The following ATP8A2 variants were observed in gnomAD, a reference collection of about 807,000 sequenced individuals.
The protein encoded by ATP8A2 is phospholipid-transporting ATPase IB.
Under a neutral mutation model 165.6 loss-of-function variants are expected in ATP8A2, and 100 were observed. The ratio of observed to expected loss-of-function variants is 0.60; its 90% CI spans 0.51 to 0.71. ATP8A2 has a LOEUF of 0.71. ATP8A2 is among the 30% of genes least tolerant of loss of function. ATP8A2 has a pLI of 0.00. For missense variants in ATP8A2, 1,227 were observed against 1,479.5 expected, an observed-to-expected ratio of 0.83 and a Z score of 2.80; for synonymous variants, 543 against 548.8, an observed-to-expected ratio of 0.99 and a Z score of 0.15.
intron 2 of ATP8A2, among the ~76,000 whole-genome samples, chr13:25,473,434 C>T (rs1471361553): frequency 6.6e-6 from 1 of 152,112 alleles, no homozygotes; most frequent in African/African-American, 2.4e-5. Context: ...TAATGGGATT[C>T]AATGTTTATA....
chr13:25,668,692 T>C (rs1182474258), intron 24 of ATP8A2, among the ~76,000 whole-genome samples: 6 of 152,178 alleles, frequency 3.9e-5, no homozygotes, highest in Admixed American at 1.3e-4. Flanking sequence ...ATACCACAGG[T>C]CTCTAAGGCT....
At chr13:25,841,135 G>A (rs1951740317) in intron 30 of ATP8A2, among the ~76,000 whole-genome samples, 2 of 152,166 alleles carry the variant, frequency 1.3e-5, no homozygotes, top group Non-Finnish European at 1.5e-5. Context: ...GTGCCTTGTG[G>A]TTTGTGGTGA....
At chr13:25,739,449 A>G (rs1003398309) in intron 25 of ATP8A2, among the ~76,000 whole-genome samples, 55 of 152,346 alleles carry the variant, frequency 3.6e-4, no homozygotes, top group African/African-American at 1.3e-3. Context: ...ATGTATAACT[A>G]AGTCAACTGA....
intron 27 of ATP8A2, among the ~76,000 whole-genome samples, chr13:25,792,783 G>A (rs2138413840): frequency 6.6e-6 from 1 of 151,930 alleles, no homozygotes; most frequent in East Asian, 1.9e-4. Flanking sequence ...AGCCGGGGGT[G>A]GTGGTATGGG....
intron 28 of ATP8A2, among the ~76,000 whole-genome samples, chr13:25,829,668 G>GTATGTATGTA (rs1951406164): frequency 2.7e-4 from 17 of 63,422 alleles, no homozygotes; most frequent in African/African-American, 9.9e-4. Flanking sequence ...GACAGGTGTG[G>GTATGTATGTA]TATATATATA....
chr13:25,893,959 A>G (rs1025966173), intron 33 of ATP8A2, among the ~76,000 whole-genome samples: 11 of 152,146 alleles, frequency 7.2e-5, no homozygotes, highest in Non-Finnish European at 1.5e-4. Flanking sequence ...GTATGTTGCA[A>G]AAAGTTTCTC....
chr13:25,708,499 A>G (rs994113702), intron 25 of ATP8A2, among the ~76,000 whole-genome samples: 8 of 152,182 alleles, frequency 5.3e-5, no homozygotes, highest in Non-Finnish European at 8.8e-5. Flanking sequence ...TCCTGTCTAT[A>G]CATCTGACAC....
chr13:25,945,528 A>G (rs1955188248), intron 33 of ATP8A2, among the ~76,000 whole-genome samples: 1 of 152,208 alleles, frequency 6.6e-6, no homozygotes, highest in Non-Finnish European at 1.5e-5. Flanking sequence ...AATCTTTATT[A>G]ATTCAAGTCT....
chr13:25,610,273 TC>T (rs1301666066), intron 24 of ATP8A2, among the ~76,000 whole-genome samples: 1 of 152,200 alleles, frequency 6.6e-6, no homozygotes, highest in Non-Finnish European at 1.5e-5. Context: ...CTTTGATCCA[TC>T]TTGAGTTGAT....
At chr13:25,703,169 T>A in intron 25 of ATP8A2, among the ~76,000 whole-genome samples, 1 of 152,124 alleles carries the variant, frequency 6.6e-6, no homozygotes, top group East Asian at 1.9e-4. Context: ...AACCTCTACC[T>A]CCCAGGTTCA....
intron 27 of ATP8A2, among the ~76,000 whole-genome samples, chr13:25,775,494 G>A (rs1208085623): frequency 6.6e-6 from 1 of 152,162 alleles, no homozygotes; most frequent in African/African-American, 2.4e-5. Flanking sequence ...GGATAGTGGG[G>A]AGTAAAACAG....
intron 2 of ATP8A2, among the ~76,000 whole-genome samples, chr13:25,501,939 G>T (rs754234529): frequency 1.3e-5 from 2 of 152,228 alleles, no homozygotes; most frequent in Admixed American, 6.5e-5. Context: ...TTGCACTGGA[G>T]GGGGAGCAAC....
intron 27 of ATP8A2, among the ~76,000 whole-genome samples, chr13:25,775,276 C>T (rs758490885): frequency 2.0e-5 from 3 of 152,150 alleles, no homozygotes; most frequent in Non-Finnish European, 4.4e-5. Flanking sequence ...TAGAATCTTG[C>T]TAATACTCAC....
At chr13:25,681,710 T>G (rs1407144461) in intron 24 of ATP8A2, among the ~76,000 whole-genome samples, 1 of 152,224 alleles carries the variant, frequency 6.6e-6, no homozygotes, top group Non-Finnish European at 1.5e-5. Flanking sequence ...ATTTTTCTCT[T>G]TTTAGCTCCC....
chr13:25,884,700 ACT>A (rs1182371523), intron 33 of ATP8A2, among the ~76,000 whole-genome samples: 1 of 151,958 alleles, frequency 6.6e-6, no homozygotes, highest in Non-Finnish European at 1.5e-5. Flanking sequence ...TTGGCCTGAG[ACT>A]CTCCTAAGCA....
rs371775798 is a variant in ATP8A2 at position 25,793,471 on chromosome 13, A to G, written c.2679+18512A>G. ...TATCTAGATTAGGCAAAATTCTCCTATACGCTATGTTTAATGCCATGGGTT... is the reference window on the plus strand; with the variant it reads ...TATCTAGATTAGGCAAAATTCTCCTGTACGCTATGTTTAATGCCATGGGTT... On this transcript the variant is annotated intron_variant, in intron 27 of 36. Coordinates refer to ENST00000381655, the MANE Select transcript of ATP8A2 (RefSeq NM_016529.6). Among the ~76,000 whole-genome samples the G allele has an allele frequency of 8.0e-4, 122 of 152,304 alleles. 1 individual carries two copies. Among genetic ancestry groups the G allele is most frequent in the South Asian group, 3.1e-3 (15 of 4,820 alleles).
intron 33 of ATP8A2, among the ~76,000 whole-genome samples, chr13:25,936,710 G>A (rs1014293374): frequency 5.9e-5 from 9 of 152,136 alleles, no homozygotes; most frequent in Admixed American, 1.3e-4. Context: ...GACTGCCCCC[G>A]TGGGAAAACT....
chr13:25,910,031 C>T (rs1424873999), intron 33 of ATP8A2, among the ~76,000 whole-genome samples: 2 of 152,140 alleles, frequency 1.3e-5, no homozygotes, highest in Non-Finnish European at 2.9e-5. Flanking sequence ...TTGCCTGTCC[C>T]GTCATCTGCT....
At position 25,750,217 on chromosome 13, in the gene ATP8A2, G is replaced by A. The variant is rs1443703309; in HGVS notation, c.2385-18829G>A. Among the ~76,000 whole-genome samples the A allele has an allele frequency of 3.9e-5, 6 of 152,150 alleles. No individual in the cohort carries two copies. Among genetic ancestry groups the A allele is most frequent in the South Asian group, 4.1e-4 (2 of 4,830 alleles). ...GTCCAGTTCGTGTGGAAGACAGGCCGGTGTCCAGAAAGCAGCTCCTGACCC... is the reference window on the plus strand; with the variant it reads ...GTCCAGTTCGTGTGGAAGACAGGCCAGTGTCCAGAAAGCAGCTCCTGACCC... On this transcript the variant is annotated intron_variant, in intron 25 of 36. Transcript: ENST00000381655. This position sits in a 1 kb window ranked among gnomAD's most constrained non-coding sequence, Gnocchi z 4.3.
Sources: gnomAD v4.1 joint callset for allele counts (sites outside exome capture counted in the v4.1 genomes callset) on GRCh38, gnomAD v4.1.1 for gene constraint, Gnocchi (gnomAD v3.1) non-coding constraint, MANE v1.5 for transcripts, NCBI Gene and HGNC (gene_info 2026-07-23, HGNC 2026-07-21) for gene names.